The following R3HDM2 variants were observed in gnomAD, a reference collection of about 807,000 sequenced individuals.
R3HDM2 encodes the protein R3H domain containing 2.
R3HDM2 carries 38 observed loss-of-function variants against 124.5 expected under a neutral mutation model. The ratio of observed to expected loss-of-function variants is 0.31; its 90% CI spans 0.24 to 0.40. The LOEUF (loss-of-function observed/expected upper bound fraction) is 0.40. R3HDM2 is among the 10% of genes least tolerant of loss of function. The pLI, the probability that R3HDM2 is intolerant of heterozygous loss-of-function variation, is 1.00. For missense variants in R3HDM2, 869 were observed against 1,236.9 expected, an observed-to-expected ratio of 0.70 and a Z score of 4.46; for synonymous variants, 391 against 448.0, an observed-to-expected ratio of 0.87 and a Z score of 1.61.
At chr12:57,357,644 ATTTT>A (rs35477289) in intron 2 of R3HDM2, among the ~76,000 whole-genome samples, 2 of 127,438 alleles carry the variant, frequency 1.6e-5, no homozygotes, top group African/African-American at 5.9e-5. Context: ...AGTTTTGCTG[ATTTT>A]TTTTTTTTTT....
chr12:57,371,361 C>T (rs148797495), intron 2 of R3HDM2, among the ~76,000 whole-genome samples: 157 of 151,652 alleles, frequency 1.0e-3, no homozygotes, highest in African/African-American at 3.2e-3. Context: ...AAAAATAGAA[C>T]GAAAACAAAA....
At chr12:57,401,080 G>GA in intron 1 of R3HDM2, among the ~76,000 whole-genome samples, 1 of 151,056 alleles carries the variant, frequency 6.6e-6, no homozygotes, top group African/African-American at 2.4e-5. Context: ...ATGAAAGAGA[G>GA]AAAGGGAAGG....
chr12:57,364,952 C>CAA (rs1214204891), intron 2 of R3HDM2, among the ~76,000 whole-genome samples: 15 of 46,444 alleles, frequency 3.2e-4, no homozygotes, highest in African/African-American at 5.1e-4. Flanking sequence ...GACTCCATCT[C>CAA]AAAAAAAAAA....
intron 21 of R3HDM2, among the ~76,000 whole-genome samples, chr12:57,257,119 GTCTTTTATC>G (rs2136966770): frequency 6.6e-6 from 1 of 152,106 alleles, no homozygotes; most frequent in East Asian, 1.9e-4. Context: ...GCGCCCGGCT[GTCTTTTATC>G]TCTTATATAG....
At chr12:57,392,887 C>T (rs2066921625) in intron 2 of R3HDM2, among the ~76,000 whole-genome samples, 1 of 150,762 alleles carries the variant, frequency 6.6e-6, no homozygotes, top group Admixed American at 6.6e-5. Context: ...TCACCGCAAG[C>T]TCCACCTCCT....
At chr12:57,393,008 G>A (rs1029948792) in intron 2 of R3HDM2, among the ~76,000 whole-genome samples, 1 of 151,902 alleles carries the variant, frequency 6.6e-6, no homozygotes, top group African/African-American at 2.4e-5. Context: ...GTTTCACCAT[G>A]TTAGCCAGTA....
At position 57,271,462 on chromosome 12, in the gene R3HDM2, G is replaced by A. The variant is rs201492665; in HGVS notation, c.1345-1468C>T. On this transcript the variant is annotated intron_variant, in intron 14 of 23. Coordinates refer to ENST00000402412, the MANE Select transcript of R3HDM2 (RefSeq NM_001394031.1). ...TACACACACACACACACACACACAC[G>A]CACACACAACTAGCAGAAACCAAAA... is the stretch of plus-strand genomic sequence containing the variant. Among the ~76,000 whole-genome samples, 602 of 138,100 alleles carry A rather than the reference G, an allele frequency of 4.4e-3. 9 individuals carry two copies. The East Asian group carries it at 0.058, about 13-fold the overall frequency. The allele number at this position is 138,100 out of a possible 152,430, so 90.6% of individuals were successfully genotyped here. A position where few individuals can be genotyped will look rare whatever the true frequency, so the allele number is the denominator to read the frequency against.
At chr12:57,377,007 C>T (rs2064149407) in intron 2 of R3HDM2, among the ~76,000 whole-genome samples, 1 of 150,898 alleles carries the variant, frequency 6.6e-6, no homozygotes, top group Non-Finnish European at 1.5e-5. Flanking sequence ...GGGTCCCCTT[C>T]CATGCTGTGG....
At chr12:57,288,922 C>T (rs1182523942) in intron 12 of R3HDM2, 87 bp downstream of exon 12, 3 of 1,551,304 alleles carry the variant, frequency 1.9e-6, no homozygotes, top group Non-Finnish European at 2.6e-6. Context: ...TGTTGGTTAA[C>T]ATCAAAGAAA....
chr12:57,360,615 G>T (rs916405904), intron 2 of R3HDM2, among the ~76,000 whole-genome samples: 4 of 150,490 alleles, frequency 2.7e-5, no homozygotes, highest in Non-Finnish European at 5.9e-5. Context: ...GAGACTGTAG[G>T]AAAGGAAAGG....
At position 57,255,022 on chromosome 12, in the gene R3HDM2, G is replaced by C; in HGVS notation, c.2724C>G (p.Gly908=). 1 of 1,613,692 alleles carries C rather than the reference G, an allele frequency of 6.2e-7. No individual in the cohort carries two copies. The highest frequency in any genetic ancestry group is 8.5e-7 in the Non-Finnish European group (1 of 1,179,956). ...DKLFTQLAMS[G]AKIQWLKDAQ... ...CATCCTTGAGCCACTGGATCTTGGC[G>C]CCAGACATGGCGAGCTGCGTGAAGA... The change falls in exon 24 of 24, where the codon GGC becomes GGG. Residue 908 remains glycine, a synonymous_variant. Transcript: ENST00000402412.
rs112053221 is a variant in R3HDM2, at chr12:57,395,834, G to GAA, written c.-105-18_-105-17dup. 7.5e-5 allele frequency: 58 copies of GAA among 776,898 alleles called. No homozygotes were observed. The highest frequency in any genetic ancestry group is 3.5e-4 in the South Asian group (6 of 17,080). 48.1% of individuals were successfully genotyped at this position (776,898 alleles called of 1,614,324 possible). A position where few individuals can be genotyped will look rare whatever the true frequency, so the allele number is the denominator to read the frequency against. ...AGTCTAACCTCTGGGGGAGGAGGGG[G>GAA]AAAAAAAAAAACAAGTTAAAAGCAA... On this transcript the variant is annotated splice_polypyrimidine_tract_variant and intron_variant, in intron 1 of 23. Transcript: ENST00000402412.
Position 57,425,268 on chromosome 12 carries a change from G to A in R3HDM2, c.-106+5452C>T, listed in dbSNP as rs1294831349. Among the ~76,000 whole-genome samples, 8 of 146,312 alleles carry A rather than the reference G, an allele frequency of 5.5e-5. No homozygotes were observed. In the East Asian group the frequency reaches 1.2e-3, roughly 22 times the overall value. On this transcript the variant is annotated intron_variant, in intron 1 of 23. Coordinates refer to ENST00000402412, the MANE Select transcript of R3HDM2 (RefSeq NM_001394031.1). Reference sequence around the variant, plus strand: ...ACCTGGGCAACAAGAGCGAAACTCCGTCTCAAAAAAAAAAAAAAATTATTC... The same window carrying A: ...ACCTGGGCAACAAGAGCGAAACTCCATCTCAAAAAAAAAAAAAAATTATTC...
At position 57,353,849 on chromosome 12, in the gene R3HDM2, GTTTTT is replaced by G. The variant is rs372758356; in HGVS notation, c.-36+41895_-36+41899del. Among the ~76,000 whole-genome samples the G allele has an allele frequency of 9.4e-3, 1,426 of 151,852 alleles. 7 individuals carry two copies. Among genetic ancestry groups the G allele is most frequent in the Non-Finnish European group, 0.015 (1,004 of 67,904 alleles). Reference sequence around the variant, plus strand: ...TGGGTGTCTCTTGTGGTAAAAATATGTTTTTTTTATTTTTTTATTTTTTTGAGAAA... The same window carrying G: ...TGGGTGTCTCTTGTGGTAAAAATATGTTTATTTTTTTATTTTTTTGAGAAA... On this transcript the variant is annotated intron_variant, in intron 2 of 23. Transcript: ENST00000402412.
chr12:57,295,647 T>C, intron 9 of R3HDM2, 140 bp from the exon 10 acceptor site: 1 of 626,830 alleles, frequency 1.6e-6, no homozygotes, highest in Non-Finnish European at 2.8e-6. Context: ...AAAAGTCACA[T>C]GCAGGTTTTA....
At chr12:57,327,375 G>A (rs1409654516) in intron 2 of R3HDM2, among the ~76,000 whole-genome samples, 1 of 151,242 alleles carries the variant, frequency 6.6e-6, no homozygotes, top group African/African-American at 2.4e-5. Context: ...GCTGAGGCAG[G>A]AGGATCACTT....
chr12:57,426,535 C>CA (rs746645802), intron 1 of R3HDM2, among the ~76,000 whole-genome samples: 1 of 152,162 alleles, frequency 6.6e-6, no homozygotes, highest in Admixed American at 6.6e-5. Flanking sequence ...ACTGAAAACT[C>CA]AAAGTGGAAC....
intron 3 of R3HDM2, among the ~76,000 whole-genome samples, chr12:57,304,000 T>A (rs957564226): frequency 1.3e-5 from 2 of 152,156 alleles, no homozygotes; most frequent in Admixed American, 6.6e-5. Flanking sequence ...ATAATGGATA[T>A]GAAATATGGC....
chr12:57,310,053 T>G (rs1315121081), intron 3 of R3HDM2, among the ~76,000 whole-genome samples: 1 of 152,008 alleles, frequency 6.6e-6, no homozygotes, highest in Non-Finnish European at 1.5e-5. Context: ...ACAAAAAAAT[T>G]TTTTTATATT....
Sources: allele counts gnomAD v4.1 joint callset (sites outside exome capture counted in the v4.1 genomes callset), GRCh38; gene constraint gnomAD v4.1.1; transcripts MANE v1.5; gene names NCBI Gene and HGNC (gene_info 2026-07-23, HGNC 2026-07-21).